CDH3: variants seen among roughly 807,000 people sequenced by gnomAD.
CDH3 encodes cadherin 3, also known as cadherin-3.
In CDH3, 54 loss-of-function variants were observed where a neutral mutation model predicts 82.0. That is an observed-to-expected ratio of 0.66 (90% CI 0.53 to 0.83). The LOEUF is 0.83. CDH3 is among the 40% of genes least tolerant of loss of function. CDH3 has a pLI of 0.00. For synonymous variants in CDH3, 446 were observed against 437.9 expected (o/e 1.02, Z -0.23); for missense variants, 1,054 against 1,084.6 (o/e 0.97, Z 0.40).
chr16:68,670,625 G>T (rs75393104), intron 2 of CDH3, among the ~76,000 whole-genome samples: 1 of 152,100 alleles, frequency 6.6e-6, no homozygotes, highest in East Asian at 1.9e-4. Context: ...CAACTTGTAC[G>T]TTACTCATGA....
intron 2 of CDH3, among the ~76,000 whole-genome samples, chr16:68,661,078 G>A (rs938404902): frequency 2.0e-5 from 3 of 152,128 alleles, no homozygotes; most frequent in Non-Finnish European, 4.4e-5. Flanking sequence ...GAGGGGCCAA[G>A]GGGATGCTTA....
chr16:68,679,841 C>T lies in CDH3; in HGVS notation c.734C>T (p.Ala245Val), dbSNP rs761495826. 14 of 1,611,858 alleles carry T rather than the reference C, an allele frequency of 8.7e-6. No homozygotes were observed. The South Asian group carries it at 1.5e-4, about 18-fold the overall frequency. Reference sequence around the variant, plus strand: ...GTGACAGCCACGGATGAGGATGATGCCATCTACACCTACAATGGGGTGGTT... The same window carrying T: ...GTGACAGCCACGGATGAGGATGATGTCATCTACACCTACAATGGGGTGGTT... ...MQVTATDEDD[A>V]IYTYNGVVAY... is the part of the protein sequence containing the mutation. Residue 245 changes from alanine to valine, a missense_variant, in exon 7 of 16, where the codon GCC becomes GTC. Coordinates refer to ENST00000264012, the MANE Select transcript of CDH3 (RefSeq NM_001793.6).
chr16:68,658,069 T>TTC (rs1306254019), intron 2 of CDH3, among the ~76,000 whole-genome samples: 1 of 150,056 alleles, frequency 6.7e-6, no homozygotes, highest in East Asian at 1.9e-4. Context: ...TTTCTTTTTT[T>TTC]TTTTTTTTTT....
chr16:68,732,956 T>C, the CDH3 span, among the ~76,000 whole-genome samples: 1 of 59,392 alleles, frequency 1.7e-5, no homozygotes, highest in Non-Finnish European at 3.4e-5. Flanking sequence ...GTGGCGGGGG[T>C]GGGGGAAGGA....
downstream of CDH3, among the ~76,000 whole-genome samples, chr16:68,704,158 G>A (rs1961931723): frequency 6.6e-6 from 1 of 151,272 alleles, no homozygotes. Context: ...GTGGTGGCGG[G>A]CGCCTGTAGT....
At chr16:68,647,592 C>T (rs1960114045) in intron 2 of CDH3, among the ~76,000 whole-genome samples, 1 of 152,282 alleles carries the variant, frequency 6.6e-6, no homozygotes, top group South Asian at 2.1e-4. Context: ...CTCGGCGCAC[C>T]TTGAAACTCC....
At chr16:68,663,225 C>CTT (rs71382053) in intron 2 of CDH3, among the ~76,000 whole-genome samples, 102 of 130,558 alleles carry the variant, frequency 7.8e-4, no homozygotes, top group East Asian at 9.3e-4. Flanking sequence ...AGGAAAGTGA[C>CTT]TTTTTTTTTT....
At chr16:68,675,465 G>A (rs1961002967) in intron 2 of CDH3, among the ~76,000 whole-genome samples, 1 of 152,182 alleles carries the variant, frequency 6.6e-6, no homozygotes, top group African/African-American at 2.4e-5. Flanking sequence ...GTGTCTTGGA[G>A]TCGGGTAGAC....
intron 2 of CDH3, chr16:68,651,352 T>C: frequency 1.8e-6 from 1 of 554,274 alleles, no homozygotes; most frequent in Non-Finnish European, 3.7e-6. Flanking sequence ...GGTCGAGTGG[T>C]CCACGGGGGC....
rs139153891 is a variant in CDH3 at position 68,695,834 on chromosome 16, C to T, written c.2191C>T (p.Arg731Cys). ...GGAGGCCAGGCCGGAGGTGGTTCTC[C>T]GCAATGACGTGGCACCAACCATCAT... is the stretch of plus-strand genomic sequence containing the variant. ...GLEARPEVVL[R>C]NDVAPTIIPT... The change falls in exon 15 of 16, where the codon CGC (arginine) becomes TGC (cysteine). Residue 731 changes from arginine (R) to cysteine (C), a missense_variant. Arg to Cys is a radical substitution (Grantham distance 180). Coordinates refer to ENST00000264012, the MANE Select transcript of CDH3 (RefSeq NM_001793.6). The T allele has an allele frequency of 9.3e-6, 15 of 1,613,982 alleles. No individual in the cohort carries two copies. Among genetic ancestry groups the T allele is most frequent in the Middle Eastern group, 1.6e-4 (1 of 6,084 alleles).
At position 68,681,009 on chromosome 16, in the gene CDH3, G is replaced by A; in HGVS notation, c.909G>A (p.Met303Ile). ...CACTGACCATCCAGGCCACAGACATGGATGGGGACGGCTCCACCACCACGG... is the reference window on the plus strand; with the variant it reads ...CACTGACCATCCAGGCCACAGACATAGATGGGGACGGCTCCACCACCACGG... ...EYTLTIQATD[M>I]DGDGSTTTAV... The change falls in exon 8 of 16, where the codon ATG becomes ATA. Residue 303 changes from methionine (M) to isoleucine (I), a missense_variant. Met to Ile is a conservative substitution (Grantham distance 10). Transcript: ENST00000264012. 1 of 1,614,074 alleles carries A rather than the reference G, an allele frequency of 6.2e-7. No individual in the cohort carries two copies. Among genetic ancestry groups the A allele is most frequent in the South Asian group, 1.1e-5 (1 of 91,080 alleles).
At chr16:68,662,082 T>C (rs1960597035) in intron 2 of CDH3, among the ~76,000 whole-genome samples, 1 of 152,174 alleles carries the variant, frequency 6.6e-6, no homozygotes, top group African/African-American at 2.4e-5. Flanking sequence ...GGGAATCTGA[T>C]CTAGTTTGGG....
intron 15 of CDH3, 164 bp from the exon 16 acceptor site, chr16:68,698,027 G>T: frequency 1.4e-6 from 1 of 727,888 alleles, no homozygotes; most frequent in South Asian, 1.6e-5. Context: ...GCTGTCTGCT[G>T]GTCCCTGAGT....
In CDH3 at chr16:68,676,496, A is replaced by T. The variant is rs554880661; in HGVS notation, c.246+26A>T. ...GTAAAATACCATGTCCACCTGCAGG[A>T]CAAAAGAAAGATGTTCTCTGTGCAT... On this transcript the variant is annotated intron_variant, in intron 3 of 15. Transcript: ENST00000264012. 8.3e-6 allele frequency: 13 copies of T among 1,567,898 alleles called. No homozygotes were observed. In the African/African-American group the frequency reaches 1.8e-4, roughly 21 times the overall value.
In CDH3 at chr16:68,721,229, C is replaced by CTTT. The variant is rs71148941; in HGVS notation, c.100-1178_100-1176dup. On this transcript the variant is annotated intron_variant, in intron 1 of 2. Coordinates refer to the CDH3 transcript ENST00000569080. ...GACCTTACCCTTTATGCAGTTTAGT[C>CTTT]TTTTTTTTTTTTTTTTTTTTGAGAT... 9.3e-4 allele frequency among the ~76,000 whole-genome samples: 106 copies of CTTT among 114,548 alleles called. 1 individual carries two copies. Among genetic ancestry groups the CTTT allele is most frequent in the Non-Finnish European group, 1.2e-3 (69 of 59,454 alleles). 75.1% of individuals were successfully genotyped at this position (114,548 alleles called of 152,430 possible).
At chr16:68,723,877 G>A (rs531355256) in intron 2 of CDH3, among the ~76,000 whole-genome samples, 30 of 152,268 alleles carry the variant, frequency 2.0e-4, no homozygotes, top group African/African-American at 4.1e-4. Flanking sequence ...AGACCATCCC[G>A]GCTAAAACGG....
chr16:68,647,903 G>C (rs1257447167), intron 2 of CDH3, among the ~76,000 whole-genome samples: 3 of 152,094 alleles, frequency 2.0e-5, no homozygotes, highest in Non-Finnish European at 2.9e-5. Context: ...TATTGCTAAG[G>C]AACAATCACC....
chr16:68,687,774 C>A (rs775699138), intron 12 of CDH3, 38 bp downstream of exon 12: 2 of 1,478,836 alleles, frequency 1.4e-6, no homozygotes, highest in Non-Finnish European at 1.9e-6. Context: ...GGGGTGCCAG[C>A]CCCACTGGTG....
Position 68,684,908 on chromosome 16 carries a change from C to G in CDH3, c.1424+84C>G, listed in dbSNP as rs371349200. 6 of 1,526,726 alleles carry G rather than the reference C, an allele frequency of 3.9e-6. No homozygotes were observed. In the African/African-American group the frequency reaches 5.5e-5, roughly 14 times the overall value. 94.6% of individuals were successfully genotyped at this position (1,526,726 alleles called of 1,614,324 possible). ...TCATGGCCAACGTTTGTTCTGATTA[C>G]CATAGAGATTGTTAAATAGGAATAT... On this transcript the variant is annotated intron_variant, in intron 10 of 15. Transcript: ENST00000264012.
Sources: allele counts gnomAD v4.1 joint callset (sites outside exome capture counted in the v4.1 genomes callset), GRCh38; gene constraint gnomAD v4.1.1; transcripts MANE v1.5; gene names NCBI Gene and HGNC (gene_info 2026-07-23, HGNC 2026-07-21).